Variants in CDHR2 observed in about 807,000 individuals in gnomAD.
The protein encoded by CDHR2 is cadherin related family member 2.
In CDHR2, 104 loss-of-function variants were observed where a neutral mutation model predicts 138.6. The observed-to-expected ratio is 0.75, with a 90% CI of 0.64 to 0.88. The LOEUF is 0.88. Ranked by LOEUF, CDHR2 falls within the 40% of genes least tolerant of loss-of-function variation. The pLI is 0.00. For missense variants in CDHR2, 1,624 were observed against 1,727.6 expected (o/e 0.94, Z 1.06); for synonymous variants, 755 against 742.8 (o/e 1.02, Z -0.27).
At chr5:176,585,227 T>A (rs1341118415) in intron 19 of CDHR2, among the ~76,000 whole-genome samples, 2 of 152,244 alleles carry the variant, frequency 1.3e-5, no homozygotes, top group African/African-American at 4.8e-5. Flanking sequence ...GAAGATTCAA[T>A]GAGAATATGG....
At chr5:176,567,658 A>AT (rs984038292) in intron 3 of CDHR2, among the ~76,000 whole-genome samples, 30 of 151,644 alleles carry the variant, frequency 2.0e-4, no homozygotes, top group African/African-American at 6.3e-4. Context: ...GGCCTGGTTA[A>AT]TTTTTTGTAT....
intron 21 of CDHR2, 80 bp from the exon 22 acceptor site, chr5:176,588,946 GGCCAC>G: frequency 6.9e-7 from 1 of 1,455,072 alleles, no homozygotes; most frequent in Non-Finnish European, 9.4e-7. Flanking sequence ...CAGCCTCCCA[GGCCAC>G]CCTTGCCTCT....
chr5:176,565,825 A>C, intron 3 of CDHR2, 82 bp downstream of exon 3: 1 of 1,003,468 alleles, frequency 1.0e-6, no homozygotes, highest in Non-Finnish European at 1.5e-6. Flanking sequence ...AGCCCCCACC[A>C]TGCCTGCAAC....
Position 176,575,285 on chromosome 5 carries a change from G to A in CDHR2, c.627G>A (p.Leu209=). 1 of 1,614,228 alleles carries A rather than the reference G, an allele frequency of 6.2e-7. No individual in the cohort carries two copies. The highest frequency in any genetic ancestry group is 8.5e-7 in the Non-Finnish European group (1 of 1,180,046). ...GGGTGGCCATCTCCCCGCAGGACTT[G>A]GGCGGCATGTACCACAACACCTTCA... ...FYQLELKACD[L]GGMYHNTFTI... Residue 209 remains leucine, a synonymous_variant, in exon 9 of 32, where the codon TTG becomes TTA. Transcript: ENST00000261944.
At chr5:176,556,546 T>C (rs528326327) in intron 1 of CDHR2, among the ~76,000 whole-genome samples, 1 of 152,190 alleles carries the variant, frequency 6.6e-6, no homozygotes, top group Non-Finnish European at 1.5e-5. Context: ...GCACCTGTAG[T>C]CCCAGCTACT....
At chr5:176,547,473 A>G (rs1382660672), upstream of CDHR2, 1 of 152,158 alleles carries the variant, frequency 6.6e-6, no homozygotes, top group African/African-American at 2.4e-5. Flanking sequence ...TGCAGTAGCT[A>G]TTCATAGGCA....
intron 1 of CDHR2, among the ~76,000 whole-genome samples, chr5:176,551,289 TC>T (rs1303469568): frequency 2.0e-5 from 3 of 152,104 alleles, no homozygotes; most frequent in Admixed American, 2.0e-4. Context: ...TGCCTCAGCC[TC>T]CCGAATAGCT....
rs760538860 is a variant in CDHR2 at position 176,575,071 on chromosome 5, T to G, written c.496-13T>G. On this transcript the variant is annotated splice_polypyrimidine_tract_variant and intron_variant, in intron 7 of 31. Transcript: ENST00000261944. ...GTCCCTAGGGAGCCTGACCCAAGTC[T>G]GCTCTGCCCCAGGTCATCCCTAGCA... The G allele has an allele frequency of 1.0e-4, 162 of 1,613,888 alleles. No individual in the cohort carries two copies. Among genetic ancestry groups the G allele is most frequent in the Non-Finnish European group, 5.4e-5 (64 of 1,179,972 alleles).
chr5:176,568,856 G>A (rs76514370), intron 4 of CDHR2, 39 bp downstream of exon 4: 3 of 1,612,416 alleles, frequency 1.9e-6, no homozygotes, highest in Admixed American at 1.7e-5. Flanking sequence ...GGACGCGGAG[G>A]GGGTGCTGGG....
intron 20 of CDHR2, 86 bp from the exon 21 acceptor site, chr5:176,586,707 G>A (rs1758677917): frequency 1.6e-6 from 2 of 1,251,388 alleles, no homozygotes; most frequent in African/African-American, 1.5e-5. Context: ...TTAGGGGGAT[G>A]AGCCCTGAGC....
chr5:176,585,589 TACCTAGGCTGGGCCCAA>T (rs1758639348), intron 19 of CDHR2, among the ~76,000 whole-genome samples: 1 of 152,238 alleles, frequency 6.6e-6, no homozygotes, highest in East Asian at 1.9e-4. Context: ...AGGTGAGATC[TACCTAGGCTGGGCCCAA>T]TCCTGGCCCA....
rs539685393 is a variant in CDHR2, at chr5:176,553,819, C to T, written c.-16+4405C>T. Among the ~76,000 whole-genome samples, 13 of 152,228 alleles carry T rather than the reference C, an allele frequency of 8.5e-5. No individual in the cohort carries two copies. In the South Asian group the frequency reaches 2.7e-3, roughly 32 times the overall value. ...GCACACACATCATCAGCATGTCCGT[C>T]CCTACTTACCACCACCAGTGCCACC... On this transcript the variant is annotated intron_variant, in intron 1 of 31. Coordinates refer to ENST00000261944, the MANE Select transcript of CDHR2 (RefSeq NM_017675.6). The surrounding 1 kb of genome is among the most constrained non-coding windows in gnomAD (Gnocchi z 4.3).
At chr5:176,588,717 G>T (rs1269207805) in intron 21 of CDHR2, among the ~76,000 whole-genome samples, 1 of 109,326 alleles carries the variant, frequency 9.1e-6, no homozygotes, top group Non-Finnish European at 2.1e-5. Flanking sequence ...GTGTGAGTGT[G>T]TGTGTGTGAG....
At chr5:176,595,971 A>C, downstream of CDHR2, 2 of 264,880 alleles carry the variant, frequency 7.6e-6, no homozygotes. Flanking sequence ...TGGTTATAGA[A>C]TGAGCTCTCT....
intron 1 of CDHR2, among the ~76,000 whole-genome samples, chr5:176,549,681 G>A (rs1757661202): frequency 6.6e-6 from 1 of 152,170 alleles, no homozygotes; most frequent in Non-Finnish European, 1.5e-5. Flanking sequence ...TGATTCTTCA[G>A]AGGATGGAAG....
chr5:176,591,325 T>C lies in CDHR2; in HGVS notation c.3653+2T>C, dbSNP rs1206349965. On this transcript the variant is annotated splice_donor_variant, in intron 29 of 31. Coordinates refer to ENST00000261944, the MANE Select transcript of CDHR2 (RefSeq NM_017675.6). LOFTEE classifies it high-confidence loss of function. ...GACTAACATGTACAACACTGAGCGG[T>C]GAGCAGGGGTCAAAGGGTAGGTAAG... is the stretch of plus-strand genomic sequence containing the variant. 1 of 1,612,732 alleles carries C rather than the reference T, an allele frequency of 6.2e-7. No individual in the cohort carries two copies.
At chr5:176,565,438 A>C in intron 2 of CDHR2, 34 bp downstream of exon 2, 1 of 1,601,320 alleles carries the variant, frequency 6.2e-7, no homozygotes, top group South Asian at 1.1e-5. Context: ...ACGCAGCCCT[A>C]ACCTAGAGAC....
In CDHR2 at chr5:176,565,339, TC is replaced by T; in HGVS notation, c.-11del. On this transcript the variant is annotated splice_region_variant and 5_prime_UTR_variant, in exon 2 of 32. Transcript: ENST00000261944. ...CCATTCCCTGACCTCTTCCCTTAGG[TC>T]CCTGCGGATGTGATGGCCCAGCTAT... 6.2e-7 allele frequency: 1 copy of T among 1,613,044 alleles called. No homozygotes were observed. The highest frequency in any genetic ancestry group is 2.2e-5 in the East Asian group (1 of 44,882).
At chr5:176,564,606 A>G (rs550031530) in intron 1 of CDHR2, among the ~76,000 whole-genome samples, 1 of 152,330 alleles carries the variant, frequency 6.6e-6, no homozygotes, top group African/African-American at 2.4e-5. Flanking sequence ...ATGATCAAAA[A>G]GACTGGCCCA....
Sources: allele counts gnomAD v4.1 joint callset (sites outside exome capture counted in the v4.1 genomes callset), GRCh38; gene constraint gnomAD v4.1.1; non-coding constraint Gnocchi (gnomAD v3.1); transcripts MANE v1.5; gene names NCBI Gene and HGNC (gene_info 2026-07-23, HGNC 2026-07-21).